Variants in TK2 observed in about 807,000 individuals in gnomAD.
TK2 encodes the protein thymidine kinase 2, mitochondrial.
In TK2, 35 loss-of-function variants were observed where a neutral mutation model predicts 41.9. That is an observed-to-expected ratio of 0.84 (90% CI 0.64 to 1.11). The LOEUF is 1.11. TK2 is among the 50% of genes least tolerant of loss of function. The probability of loss-of-function intolerance (pLI) is 0.00; values close to 1 mark genes in which losing one functional copy is unlikely to be tolerated. For missense variants in TK2, 320 were observed against 351.1 expected (o/e 0.91, Z 0.71); for synonymous variants, 128 against 129.1 (o/e 0.99, Z 0.06).
chr16:66,538,681 C>A (rs1965361805), intron 3 of TK2, among the ~76,000 whole-genome samples: 1 of 152,134 alleles, frequency 6.6e-6, no homozygotes, highest in Non-Finnish European at 1.5e-5. Context: ...TTTTCAAACC[C>A]CAAGAAGTGG....
intron 8 of TK2, among the ~76,000 whole-genome samples, chr16:66,516,734 T>C (rs1293165006): frequency 6.6e-6 from 1 of 151,964 alleles, no homozygotes; most frequent in Non-Finnish European, 1.5e-5. Flanking sequence ...GCACTAGGGA[T>C]GCAGCAGTGA....
In TK2 at chr16:66,510,242, AC is replaced by A. The variant is rs1214751669; in HGVS notation, c.*1725del. ...AAAAAAAAAAAAAGAGAGAGAAATC[AC>A]ATTTCCCCAAAAATGGATGTGCAAA... On this transcript the variant is annotated 3_prime_UTR_variant, in exon 10 of 10. Transcript: ENST00000544898. 6.6e-6 allele frequency: 1 copy of A among 151,378 alleles called. No homozygotes were observed. Among genetic ancestry groups the A allele is most frequent in the Non-Finnish European group, 1.5e-5 (1 of 67,890 alleles). The allele number at this position is 151,378 out of a possible 1,614,324, so 9.4% of individuals were successfully genotyped here.
chr16:66,509,561 T>C lies in TK2; in HGVS notation c.*2407A>G, dbSNP rs1168267101. On this transcript the variant is annotated 3_prime_UTR_variant, in exon 10 of 10. Coordinates refer to ENST00000544898, the MANE Select transcript of TK2 (RefSeq NM_004614.5). ...GTGCAACAAAAAAGTCAGCGAGAGG[T>C]AGAGCAGCTGAGCAGCTCTGCGGTG... The C allele has an allele frequency of 2.0e-5, 3 of 152,342 alleles. No homozygotes were observed. The South Asian group carries it at 6.2e-4, about 32-fold the overall frequency. 9.4% of individuals were successfully genotyped at this position (152,342 alleles called of 1,614,324 possible).
rs959775869 is a variant in TK2 at position 66,510,145 on chromosome 16, T to C, written c.*1823A>G. On this transcript the variant is annotated 3_prime_UTR_variant, in exon 10 of 10. Transcript: ENST00000544898. ...GGGCTTAGGTGAAGGAGTTATTGGG[T>C]ATCACAGAGCAAGAAAAAAATCATG... The C allele has an allele frequency of 6.8e-6, 1 of 146,530 alleles. No individual in the cohort carries two copies. The highest frequency in any genetic ancestry group is 1.5e-5 in the Non-Finnish European group (1 of 67,504). The allele number at this position is 146,530 out of a possible 1,614,324, so 9.1% of individuals were successfully genotyped here.
In TK2 at chr16:66,514,301, G is replaced by A. The variant is rs1964541595; in HGVS notation, c.619-490C>T. ...TGCCTGACTGGTTTTCGTATTTTTT[G>A]GTGGAGACGGGGTTTCGCTGTGTTG... On this transcript the variant is annotated intron_variant, in intron 8 of 9. Coordinates refer to ENST00000544898, the MANE Select transcript of TK2 (RefSeq NM_004614.5). The surrounding 1 kb of genome is among the most constrained non-coding windows in gnomAD (Gnocchi z 4.2). Among the ~76,000 whole-genome samples, 1 of 152,230 alleles carries A rather than the reference G, an allele frequency of 6.6e-6. No homozygotes were observed. Among genetic ancestry groups the A allele is most frequent in the Admixed American group, 6.5e-5 (1 of 15,278 alleles).
intron 2 of TK2, among the ~76,000 whole-genome samples, chr16:66,545,136 T>C (rs554443253): frequency 6.6e-6 from 1 of 151,498 alleles, no homozygotes; most frequent in East Asian, 1.9e-4. Context: ...CACACAAGAA[T>C]GTATGTATGC....
chr16:66,539,762 G>A (rs1392280329), intron 3 of TK2, among the ~76,000 whole-genome samples: 1 of 152,200 alleles, frequency 6.6e-6, no homozygotes, highest in Non-Finnish European at 1.5e-5. Context: ...AACAAGATGT[G>A]ACAATACATG....
chr16:66,511,894 T>C lies in TK2; in HGVS notation c.*74A>G. 4 of 1,402,870 alleles carry C rather than the reference T, an allele frequency of 2.9e-6. No homozygotes were observed. Among genetic ancestry groups the C allele is most frequent in the Admixed American group, 1.7e-5 (1 of 59,112 alleles). The allele number at this position is 1,402,870 out of a possible 1,614,324, so 86.9% of individuals were successfully genotyped here. On this transcript the variant is annotated 3_prime_UTR_variant, in exon 10 of 10. Transcript: ENST00000544898. ...ACAAAGCCCTCCTGGGAGCAAGTTT[T>C]TCCAGATTGCTCCCAATAGCTAACT...
At chr16:66,530,896 AT>A (rs1227500764) in intron 5 of TK2, among the ~76,000 whole-genome samples, 1 of 151,656 alleles carries the variant, frequency 6.6e-6, no homozygotes, top group Non-Finnish European at 1.5e-5. Context: ...TAATTTTTGT[AT>A]TTTTTAGTAG....
intron 1 of TK2, chr16:66,549,256 T>C: frequency 1.5e-6 from 2 of 1,330,972 alleles, no homozygotes; most frequent in South Asian, 3.6e-5. Context: ...TACATTATAC[T>C]TTGCATTTTC....
chr16:66,543,466 A>G (rs1055334961), intron 2 of TK2, among the ~76,000 whole-genome samples: 8 of 152,164 alleles, frequency 5.3e-5, no homozygotes, highest in Admixed American at 3.3e-4. Flanking sequence ...GCCACAGGGA[A>G]CGGGCAGCTC....
At chr16:66,519,391 C>G (rs1042956733) in intron 6 of TK2, among the ~76,000 whole-genome samples, 1 of 152,154 alleles carries the variant, frequency 6.6e-6, no homozygotes, top group Non-Finnish European at 1.5e-5. Flanking sequence ...GTTGGCCAGG[C>G]TGGTCTCGAA....
chr16:66,549,548 G>T, intron 1 of TK2: 1 of 1,055,854 alleles, frequency 9.5e-7, no homozygotes. Flanking sequence ...GAGCGCCGGG[G>T]GCGTAACCCC....
At chr16:66,531,262 C>T in intron 5 of TK2, 118 bp downstream of exon 5, 1 of 984,184 alleles carries the variant, frequency 1.0e-6, no homozygotes, top group South Asian at 1.4e-5. Context: ...ACAGAGAGGC[C>T]TGCACAGCAC....
chr16:66,514,191 C>T lies in TK2; in HGVS notation c.619-380G>A, dbSNP rs1475194756. 6.6e-6 allele frequency among the ~76,000 whole-genome samples: 1 copy of T among 152,050 alleles called. No homozygotes were observed. Among genetic ancestry groups the T allele is most frequent in the Non-Finnish European group, 1.5e-5 (1 of 67,994 alleles). ...CCCAGCCGAGGCTGGACTGTACTGC[C>T]GCCAACTCGACTCACTGCAACCTCC... On this transcript the variant is annotated intron_variant, in intron 8 of 9. Coordinates refer to ENST00000544898, the MANE Select transcript of TK2 (RefSeq NM_004614.5). This position sits in a 1 kb window ranked among gnomAD's most constrained non-coding sequence, Gnocchi z 4.2.
At chr16:66,526,946 C>T (rs1443274704) in intron 6 of TK2, among the ~76,000 whole-genome samples, 1 of 152,198 alleles carries the variant, frequency 6.6e-6, no homozygotes, top group African/African-American at 2.4e-5. Context: ...AGTGCAGTGG[C>T]GCAATCTCGG....
At chr16:66,550,128 T>G, upstream of TK2, 1 of 1,612,054 alleles carries the variant, frequency 6.2e-7, no homozygotes, top group Non-Finnish European at 8.5e-7. Context: ...CGACTGCTAG[T>G]CCAGCCGTTG....
At chr16:66,521,506 T>C (rs923987406) in intron 6 of TK2, among the ~76,000 whole-genome samples, 13 of 152,200 alleles carry the variant, frequency 8.5e-5, no homozygotes, top group Non-Finnish European at 1.6e-4. Context: ...GCCAGACCTA[T>C]TGAAAACCCT....
chr16:66,525,651 G>A (rs1453498428), intron 6 of TK2, among the ~76,000 whole-genome samples: 4 of 152,200 alleles, frequency 2.6e-5, no homozygotes, highest in Admixed American at 1.3e-4. Flanking sequence ...CCTCTGGAGT[G>A]CCCGAGGCCA....
Sources: allele counts gnomAD v4.1 joint callset (sites outside exome capture counted in the v4.1 genomes callset), GRCh38; gene constraint gnomAD v4.1.1; non-coding constraint Gnocchi (gnomAD v3.1); transcripts MANE v1.5; gene names NCBI Gene and HGNC (gene_info 2026-07-23, HGNC 2026-07-21).